Variants in RUNX2 observed in about 807,000 individuals in gnomAD.
The protein encoded by RUNX2 is RUNX family transcription factor 2.
In RUNX2, 10 loss-of-function variants were observed where a neutral mutation model predicts 51.7. That is an observed-to-expected ratio of 0.19 (90% CI 0.12 to 0.33). The LOEUF is 0.33. RUNX2 is among the 10% of genes least tolerant of loss of function. RUNX2 has a pLI of 1.00. For synonymous variants in RUNX2, 276 were observed against 273.6 expected, an observed-to-expected ratio of 1.01 and a Z score of -0.09; for missense variants, 562 against 691.3, an observed-to-expected ratio of 0.81 and a Z score of 2.10.
At chr6:45,394,729 T>C (rs1180097955) in intron 2 of RUNX2, among the ~76,000 whole-genome samples, 1 of 152,186 alleles carries the variant, frequency 6.6e-6, no homozygotes, top group African/African-American at 2.4e-5. Flanking sequence ...CCATGTGGAA[T>C]GCTGGAGGAG....
At chr6:45,454,627 A>G (rs1381790521) in intron 5 of RUNX2, among the ~76,000 whole-genome samples, 4 of 152,172 alleles carry the variant, frequency 2.6e-5, no homozygotes, top group Non-Finnish European at 4.4e-5. Flanking sequence ...AATTGGGACA[A>G]ATTGCTCCAA....
intron 2 of RUNX2, chr6:45,361,652 A>T (rs1248251164): frequency 6.6e-6 from 1 of 152,252 alleles, no homozygotes; most frequent in African/African-American, 2.4e-5. Flanking sequence ...GCTGTGATAA[A>T]GAGCATATAG....
At chr6:45,503,794 A>G (rs185824056) in intron 6 of RUNX2, among the ~76,000 whole-genome samples, 177 of 152,348 alleles carry the variant, frequency 1.2e-3, no homozygotes, top group Non-Finnish European at 1.4e-3. Flanking sequence ...TTGGTGATAC[A>G]TAAGAGTGCT....
chr6:45,481,043 T>G (rs1800098236), intron 5 of RUNX2, among the ~76,000 whole-genome samples: 1 of 152,204 alleles, frequency 6.6e-6, no homozygotes, highest in Admixed American at 6.5e-5. Context: ...CCTTTGCCTT[T>G]TTAATTACAT....
intron 2 of RUNX2, among the ~76,000 whole-genome samples, chr6:45,393,920 C>T (rs1797527526): frequency 6.7e-6 from 1 of 149,540 alleles, no homozygotes; most frequent in Admixed American, 6.7e-5. Context: ...GTAGGGGGTG[C>T]CACTTTCTTT....
intron 7 of RUNX2, among the ~76,000 whole-genome samples, chr6:45,532,905 CTT>C (rs10706582): frequency 0.11 from 13,963 of 125,682 alleles, 1,732 homozygotes; most frequent in African/African-American, 0.32. Flanking sequence ...AGACCGGGCT[CTT>C]TTTTTTTTTT....
At chr6:45,391,266 G>A (rs1797463310) in intron 2 of RUNX2, among the ~76,000 whole-genome samples, 1 of 152,126 alleles carries the variant, frequency 6.6e-6, no homozygotes. Flanking sequence ...CATCCCCTTG[G>A]TAAAAGTGAG....
intron 2 of RUNX2, among the ~76,000 whole-genome samples, chr6:45,381,377 A>G (rs1205333373): frequency 6.6e-6 from 1 of 152,214 alleles, no homozygotes; most frequent in Non-Finnish European, 1.5e-5. Flanking sequence ...AGTTGTGCAG[A>G]ATAATTTCAG....
At chr6:45,356,444 C>T (rs1793203787) in intron 2 of RUNX2, among the ~76,000 whole-genome samples, 1 of 152,028 alleles carries the variant, frequency 6.6e-6, no homozygotes, top group Non-Finnish European at 1.5e-5. Context: ...GTCACCCAGG[C>T]TGGAGTGCAG....
At chr6:45,357,069 C>T (rs888529247) in intron 2 of RUNX2, among the ~76,000 whole-genome samples, 2 of 151,790 alleles carry the variant, frequency 1.3e-5, no homozygotes, top group Non-Finnish European at 2.9e-5. Flanking sequence ...TGCAGTGGCA[C>T]GATCTCGGCT....
chr6:45,442,971 T>A (rs1436591568), intron 5 of RUNX2, among the ~76,000 whole-genome samples: 2 of 151,752 alleles, frequency 1.3e-5, no homozygotes, highest in Non-Finnish European at 2.9e-5. Flanking sequence ...CCGCTGAGTC[T>A]GACTTCTCAC....
intron 5 of RUNX2, among the ~76,000 whole-genome samples, chr6:45,441,273 C>CCTG (rs1370282929): frequency 6.6e-6 from 1 of 152,098 alleles, no homozygotes; most frequent in Non-Finnish European, 1.5e-5. Context: ...TATTGAAAAG[C>CCTG]CTGCTTCTGG....
At chr6:45,354,182 GT>G (rs1289121399) in intron 2 of RUNX2, among the ~76,000 whole-genome samples, 1 of 152,160 alleles carries the variant, frequency 6.6e-6, no homozygotes, top group Non-Finnish European at 1.5e-5. Context: ...CAAATAGTAG[GT>G]TTCAAGATTC....
At chr6:45,391,085 T>G (rs777305357) in intron 2 of RUNX2, among the ~76,000 whole-genome samples, 1 of 152,214 alleles carries the variant, frequency 6.6e-6, no homozygotes, top group Non-Finnish European at 1.5e-5. Context: ...AAAAATGGAC[T>G]TCTAAACAAA....
intron 2 of RUNX2, among the ~76,000 whole-genome samples, chr6:45,365,578 T>C (rs1794990933): frequency 6.6e-6 from 1 of 150,934 alleles, no homozygotes; most frequent in African/African-American, 2.4e-5. Context: ...AAACAGTATT[T>C]ATTAACATAT....
At chr6:45,477,687 A>G (rs990543598) in intron 5 of RUNX2, among the ~76,000 whole-genome samples, 1 of 152,210 alleles carries the variant, frequency 6.6e-6, no homozygotes, top group African/African-American at 2.4e-5. Context: ...TTAGCTTAGT[A>G]TACTCTCTCA....
At chr6:45,349,597 T>C (rs748224685) in intron 2 of RUNX2, among the ~76,000 whole-genome samples, 25 of 152,212 alleles carry the variant, frequency 1.6e-4, no homozygotes, top group Non-Finnish European at 3.2e-4. Context: ...GTGATTCTAA[T>C]GCACACTAAG....
intron 3 of RUNX2, among the ~76,000 whole-genome samples, chr6:45,428,618 C>A (rs188532869): frequency 6.6e-6 from 1 of 151,946 alleles, no homozygotes; most frequent in Non-Finnish European, 1.5e-5. Context: ...AAATGTGATA[C>A]GTAAAACACA....
intron 2 of RUNX2, among the ~76,000 whole-genome samples, chr6:45,395,095 T>G (rs1797553740): frequency 6.6e-6 from 1 of 152,246 alleles, no homozygotes; most frequent in Non-Finnish European, 1.5e-5. Context: ...GCCACACTTC[T>G]GTTCCTGACA....
Sources: allele counts gnomAD v4.1 joint callset (sites outside exome capture counted in the v4.1 genomes callset), GRCh38; gene constraint gnomAD v4.1.1; transcripts MANE v1.5; gene names NCBI Gene and HGNC (gene_info 2026-07-23, HGNC 2026-07-21).